Variants in CDH23 observed in about 807,000 individuals in gnomAD.
CDH23 encodes cadherin-23.
Under a neutral mutation model 317.1 loss-of-function variants are expected in CDH23, and 189 were observed. The ratio of observed to expected loss-of-function variants is 0.60; its 90% CI spans 0.53 to 0.67. CDH23 has a LOEUF of 0.67. CDH23 is among the 30% of genes least tolerant of loss of function. The probability of loss-of-function intolerance (pLI) is 0.00; values close to 1 mark genes in which losing one functional copy is unlikely to be tolerated. For synonymous variants in CDH23, 1,839 were observed against 1,876.8 expected, an observed-to-expected ratio of 0.98 and a Z score of 0.52; for missense variants, 4,401 against 4,592.4, an observed-to-expected ratio of 0.96 and a Z score of 1.20.
intron 9 of CDH23, among the ~76,000 whole-genome samples, chr10:71,602,243 G>A (rs532868549): frequency 6.6e-6 from 1 of 152,274 alleles, no homozygotes; most frequent in South Asian, 2.1e-4. Context: ...AGGGGCAGCC[G>A]TGGCACTGTC....
chr10:71,539,083 G>A (rs373314844), intron 6 of CDH23, among the ~76,000 whole-genome samples: 3 of 152,162 alleles, frequency 2.0e-5, no homozygotes, highest in South Asian at 2.1e-4. Flanking sequence ...TCCTCCTCAC[G>A]CTGTGGCTCT....
intron 3 of CDH23, among the ~76,000 whole-genome samples, chr10:71,506,212 G>T (rs192297806): frequency 2.0e-4 from 31 of 152,320 alleles, no homozygotes; most frequent in African/African-American, 7.2e-4. Context: ...AAATGGATTC[G>T]TGGTTGCCAG....
intron 24 of CDH23, 144 bp from the exon 25 acceptor site, chr10:71,704,767 G>T: frequency 1.5e-6 from 1 of 686,254 alleles, no homozygotes; most frequent in Non-Finnish European, 2.6e-6. Context: ...TGGGGACAGT[G>T]GCCTGGCCTA....
At chr10:71,654,023 T>G (rs1453904259) in intron 14 of CDH23, among the ~76,000 whole-genome samples, 2 of 152,078 alleles carry the variant, frequency 1.3e-5, no homozygotes, top group African/African-American at 4.8e-5. Context: ...GTTGGTTGAG[T>G]TTTTGTCTGT....
chr10:71,602,389 G>A (rs937912496), intron 9 of CDH23, among the ~76,000 whole-genome samples: 51 of 152,288 alleles, frequency 3.3e-4, no homozygotes, highest in Non-Finnish European at 6.0e-4. Context: ...TCTTTGGCAA[G>A]TGAGGAAACT....
intron 2 of CDH23, among the ~76,000 whole-genome samples, chr10:71,444,198 G>T (rs1287138651): frequency 1.3e-5 from 2 of 152,264 alleles, no homozygotes; most frequent in Non-Finnish European, 2.9e-5. Context: ...GTTAATACTG[G>T]CTACCATTTA....
intron 2 of CDH23, among the ~76,000 whole-genome samples, chr10:71,442,287 C>T (rs1283943067): frequency 1.3e-5 from 2 of 152,184 alleles, no homozygotes; most frequent in African/African-American, 2.4e-5. Flanking sequence ...GGCACAGTCA[C>T]CTCTTTCTGG....
At chr10:71,643,215 T>TA (rs1266718946) in intron 11 of CDH23, among the ~76,000 whole-genome samples, 1 of 152,070 alleles carries the variant, frequency 6.6e-6, no homozygotes, top group African/African-American at 2.4e-5. Context: ...CATGTACCCA[T>TA]AATGGTCATA....
At chr10:71,483,120 C>A (rs1852158439) in intron 3 of CDH23, among the ~76,000 whole-genome samples, 1 of 152,228 alleles carries the variant, frequency 6.6e-6, no homozygotes. Context: ...CAGCTGGGGC[C>A]TGGGTGCCAG....
At chr10:71,435,854 T>G (rs1203506908) in intron 1 of CDH23, among the ~76,000 whole-genome samples, 1 of 152,350 alleles carries the variant, frequency 6.6e-6, no homozygotes, top group African/African-American at 2.4e-5. Flanking sequence ...GCCTGGGTAC[T>G]GAGGAATGCC....
Position 71,807,581 on chromosome 10 carries a change from G to A in CDH23, c.8374G>A (p.Asp2792Asn). Reference sequence around the variant, plus strand: ...GTGTCTGCTGGTGCTGCGGGACCTGGACCGGGAGCGAGAAGCCATCTTCTC... The same window carrying A: ...GTGTCTGCTGGTGCTGCGGGACCTGAACCGGGAGCGAGAAGCCATCTTCTC... ...DGCLLVLRDLDREREAIFSFI... is the reference protein window; with the variant it reads ...DGCLLVLRDLNREREAIFSFI... Residue 2792 changes from aspartate to asparagine, a missense_variant, in exon 59 of 70, where the codon GAC becomes AAC. Asp to Asn is a conservative substitution (Grantham distance 23, BLOSUM62 1). This residue lies in a region of CDH23 where 1,144 missense variants were observed against 1,138.2 expected (regional missense o/e 1.01). Transcript: ENST00000224721. 1 of 1,613,998 alleles carries A rather than the reference G, an allele frequency of 6.2e-7. No individual in the cohort carries two copies. Among genetic ancestry groups the A allele is most frequent in the Non-Finnish European group, 8.5e-7 (1 of 1,179,894 alleles).
intron 3 of CDH23, among the ~76,000 whole-genome samples, chr10:71,471,563 C>T (rs1377174610): frequency 7.1e-6 from 1 of 141,612 alleles, no homozygotes; most frequent in African/African-American, 2.6e-5. Context: ...CCAGCCCAGC[C>T]ACCTTCCTGG....
At chr10:71,573,954 C>T (rs1260642931) in intron 8 of CDH23, among the ~76,000 whole-genome samples, 3 of 152,232 alleles carry the variant, frequency 2.0e-5, no homozygotes, top group Non-Finnish European at 2.9e-5. Context: ...GCACTGCCAG[C>T]CTGATCCTTC....
At chr10:71,616,138 G>T (rs1051887251) in intron 10 of CDH23, among the ~76,000 whole-genome samples, 2 of 152,204 alleles carry the variant, frequency 1.3e-5, no homozygotes, top group Non-Finnish European at 2.9e-5. Context: ...TGCCACTCAC[G>T]GTCGGTTTCA....
At chr10:71,759,048 T>G (rs1840221706) in intron 38 of CDH23, among the ~76,000 whole-genome samples, 1 of 150,454 alleles carries the variant, frequency 6.6e-6, no homozygotes, top group Non-Finnish European at 1.5e-5. Context: ...TTTGGGTTGT[T>G]TTTTTTTTGA....
intron 18 of CDH23, among the ~76,000 whole-genome samples, chr10:71,682,814 A>C (rs1864709333): frequency 6.6e-6 from 1 of 152,126 alleles, no homozygotes; most frequent in African/African-American, 2.4e-5. Flanking sequence ...GAAGAGACAC[A>C]TTGTCTGCTC....
At position 71,519,328 on chromosome 10, in the gene CDH23, T is replaced by C. The variant is rs75793409; in HGVS notation, c.429+8116T>C. Among the ~76,000 whole-genome samples, 858 of 152,358 alleles carry C rather than the reference T, an allele frequency of 5.6e-3. 38 individuals are homozygous for C. In the East Asian group the frequency reaches 0.12, roughly 22 times the overall value. On this transcript the variant is annotated intron_variant, in intron 6 of 69. Transcript: ENST00000224721. Reference sequence around the variant, plus strand: ...GTGTTGGGCTGTCAGCCTCGCACGCTGAGTCCATCTGCCATTTTTCAGCTC... The same window carrying C: ...GTGTTGGGCTGTCAGCCTCGCACGCCGAGTCCATCTGCCATTTTTCAGCTC...
chr10:71,425,901 C>T (rs996107772), intron 1 of CDH23, among the ~76,000 whole-genome samples: 3 of 152,190 alleles, frequency 2.0e-5, no homozygotes, highest in Non-Finnish European at 4.4e-5. Context: ...AGGATGGAAG[C>T]TGCTGGGTTC....
intron 1 of CDH23, among the ~76,000 whole-genome samples, chr10:71,432,513 TGTGA>T (rs779852042): frequency 9.9e-4 from 149 of 150,756 alleles, no homozygotes; most frequent in Non-Finnish European, 2.8e-4. Flanking sequence ...TGTGGGTGAG[TGTGA>T]GTGTGTGGGT....
Sources: gnomAD v4.1 joint callset for allele counts (sites outside exome capture counted in the v4.1 genomes callset) on GRCh38, gnomAD v4.1.1 for gene constraint, gnomAD v4.1.1 regional missense constraint, MANE v1.5 for transcripts, NCBI Gene and HGNC (gene_info 2026-07-23, HGNC 2026-07-21) for gene names.